Variants in GBF1 observed in about 807,000 individuals in gnomAD.
The protein encoded by GBF1 is Golgi-specific brefeldin A-resistance guanine nucleotide exchange factor 1.
A neutral mutation model predicts 210.5 loss-of-function variants in GBF1; 114 were observed. The observed-to-expected ratio is 0.54, with a 90% CI of 0.47 to 0.63. The LOEUF (loss-of-function observed/expected upper bound fraction) is 0.63. Ranked by LOEUF, GBF1 falls within the 30% of genes least tolerant of loss-of-function variation. The pLI is 0.00. For missense variants in GBF1, 1,851 were observed against 2,357.7 expected (o/e 0.79, Z 4.45); for synonymous variants, 850 against 889.2 (o/e 0.96, Z 0.78).
the GBF1 span, among the ~76,000 whole-genome samples, chr10:102,239,267 G>C: frequency 6.6e-6 from 1 of 152,214 alleles, no homozygotes; most frequent in African/African-American, 2.4e-5. Context: ...GTGGGAAAAG[G>C]TTCTGTCTTT....
At chr10:102,380,430 C>G (rs1490801874) in intron 37 of GBF1, 68 bp downstream of exon 37, 1 of 1,582,490 alleles carries the variant, frequency 6.3e-7, no homozygotes, top group Non-Finnish European at 8.7e-7. Flanking sequence ...CCCTTTCCCC[C>G]TTGGTAGCTA....
At chr10:102,288,676 A>G (rs1044564704) in intron 3 of GBF1, among the ~76,000 whole-genome samples, 1 of 142,952 alleles carries the variant, frequency 7.0e-6, no homozygotes, top group Non-Finnish European at 1.5e-5. Flanking sequence ...GCGCCACTGC[A>G]GTCCGCAGTC....
At chr10:102,244,403 C>T (rs1019079378), upstream of GBF1, among the ~76,000 whole-genome samples, 1 of 152,200 alleles carries the variant, frequency 6.6e-6, no homozygotes, top group Non-Finnish European at 1.5e-5. Context: ...ATTCAGTCTC[C>T]TAGGAGAAAA....
At chr10:102,359,575 G>A in intron 11 of GBF1, 140 bp downstream of exon 11, 1 of 645,136 alleles carries the variant, frequency 1.6e-6, no homozygotes, top group Non-Finnish European at 2.7e-6. Context: ...TCAGGAAATG[G>A]AGTCAAGCCA....
intron 3 of GBF1, among the ~76,000 whole-genome samples, chr10:102,271,032 T>A (rs1158248944): frequency 3.3e-5 from 5 of 149,854 alleles, no homozygotes; most frequent in Non-Finnish European, 7.4e-5. Flanking sequence ...TTATTTTATT[T>A]TATTATTATT....
chr10:102,322,713 C>G (rs1291145702), intron 3 of GBF1, among the ~76,000 whole-genome samples: 1 of 62,518 alleles, frequency 1.6e-5, no homozygotes, highest in East Asian at 4.7e-4. Context: ...GAGATCTCAT[C>G]TCTACAAAAA....
At chr10:102,352,387 T>C (rs2059044424) in intron 6 of GBF1, 71 bp from the exon 7 acceptor site, 3 of 1,033,470 alleles carry the variant, frequency 2.9e-6, no homozygotes, top group Non-Finnish European at 3.1e-6. Flanking sequence ...GAGGGGAGTC[T>C]GCTCTGAGAA....
At position 102,342,430 on chromosome 10, in the gene GBF1, C is replaced by T. The variant is rs150544799; in HGVS notation, c.164-1621C>T. On this transcript the variant is annotated intron_variant, in intron 3 of 39. Transcript: ENST00000369983. ...ACACTCACACACAGACACACACACACGTTCTTCTCTAGGTTTTTTCTGTAA... is the reference window on the plus strand; with the variant it reads ...ACACTCACACACAGACACACACACATGTTCTTCTCTAGGTTTTTTCTGTAA... 1.8e-3 allele frequency among the ~76,000 whole-genome samples: 280 copies of T among 151,916 alleles called. 2 individuals are homozygous for T. Among genetic ancestry groups the T allele is most frequent in the African/African-American group, 6.3e-3 (263 of 41,422 alleles).
intron 3 of GBF1, among the ~76,000 whole-genome samples, chr10:102,342,257 T>C (rs1373507208): frequency 6.6e-6 from 1 of 152,082 alleles, no homozygotes; most frequent in Non-Finnish European, 1.5e-5. Context: ...CAGGATGGTC[T>C]CGATCTCCTG....
chr10:102,266,661 A>G (rs2073903033), intron 3 of GBF1, among the ~76,000 whole-genome samples: 1 of 152,272 alleles, frequency 6.6e-6, no homozygotes, highest in African/African-American at 2.4e-5. Flanking sequence ...AGCCAAAGAA[A>G]TAAGTAAAAA....
At chr10:102,262,846 C>G (rs2073404722) in intron 3 of GBF1, among the ~76,000 whole-genome samples, 1 of 152,198 alleles carries the variant, frequency 6.6e-6, no homozygotes, top group African/African-American at 2.4e-5. Context: ...GCCAGATTAT[C>G]TGCTCTTGGA....
chr10:102,277,128 A>T (rs2075059244), intron 3 of GBF1, among the ~76,000 whole-genome samples: 1 of 152,118 alleles, frequency 6.6e-6, no homozygotes, highest in Non-Finnish European at 1.5e-5. Flanking sequence ...GGAATTTGAG[A>T]TTATCCTGGG....
At chr10:102,313,265 T>C (rs1443571756) in intron 3 of GBF1, among the ~76,000 whole-genome samples, 1 of 152,220 alleles carries the variant, frequency 6.6e-6, no homozygotes, top group Non-Finnish European at 1.5e-5. Flanking sequence ...TTCTTCTGAG[T>C]ACACATGAGT....
At chr10:102,341,931 T>C (rs1031632046) in intron 3 of GBF1, among the ~76,000 whole-genome samples, 1 of 152,164 alleles carries the variant, frequency 6.6e-6, no homozygotes, top group Non-Finnish European at 1.5e-5. Context: ...TCTAGACTTT[T>C]ATATGTCAAA....
chr10:102,368,640 G>A (rs2060039398), intron 22 of GBF1, 99 bp from the exon 23 acceptor site: 2 of 904,070 alleles, frequency 2.2e-6, no homozygotes, highest in Non-Finnish European at 3.6e-6. Flanking sequence ...GTTTCTTCCT[G>A]GGACTGACTG....
rs375123411 is a variant in GBF1, at chr10:102,338,531, A to G, written c.164-5520A>G. On this transcript the variant is annotated intron_variant, in intron 3 of 39. Coordinates refer to ENST00000369983, the MANE Select transcript of GBF1 (RefSeq NM_001377137.1). ...AGTGCTGGGATTAGAGGTGTGAGCC[A>G]CTGCGCCCAGCCGATTTCAACTATC... is the stretch of plus-strand genomic sequence containing the variant. Among the ~76,000 whole-genome samples, 20 of 151,964 alleles carry G rather than the reference A, an allele frequency of 1.3e-4. No individual in the cohort carries two copies. In the East Asian group the frequency reaches 1.4e-3, roughly 10 times the overall value.
intron 3 of GBF1, among the ~76,000 whole-genome samples, chr10:102,323,202 T>G (rs894551291): frequency 1.4e-5 from 2 of 143,808 alleles, no homozygotes; most frequent in African/African-American, 5.2e-5. Flanking sequence ...GCAGGGTAGC[T>G]TAGACTGTGT....
chr10:102,333,401 C>G (rs1239299743), intron 3 of GBF1, among the ~76,000 whole-genome samples: 1 of 151,910 alleles, frequency 6.6e-6, no homozygotes, highest in Non-Finnish European at 1.5e-5. Context: ...GGAGGTTTGG[C>G]AGTTATTCCA....
intron 6 of GBF1, 79 bp from the exon 7 acceptor site, chr10:102,352,379 G>A: frequency 1.0e-6 from 1 of 956,468 alleles, no homozygotes; most frequent in South Asian, 1.3e-5. Flanking sequence ...AAGGTTTGGA[G>A]GGGAGTCTGC....
Sources: allele counts gnomAD v4.1 joint callset (sites outside exome capture counted in the v4.1 genomes callset), GRCh38; gene constraint gnomAD v4.1.1; transcripts MANE v1.5; gene names NCBI Gene and HGNC (gene_info 2026-07-23, HGNC 2026-07-21).